SPHKAP: variants seen among roughly 807,000 people sequenced by gnomAD.
SPHKAP encodes A-kinase anchor protein SPHKAP.
SPHKAP carries 67 observed loss-of-function variants against 137.5 expected under a neutral mutation model. That is an observed-to-expected ratio of 0.49 (90% confidence interval 0.40 to 0.60). SPHKAP has a LOEUF of 0.60. SPHKAP is among the 20% of genes least tolerant of loss of function. SPHKAP has a pLI of 0.00. For synonymous variants in SPHKAP, 813 were observed against 785.3 expected, an observed-to-expected ratio of 1.04 and a Z score of -0.59; for missense variants, 2,097 against 2,069.3, an observed-to-expected ratio of 1.01 and a Z score of -0.26.
intron 2 of SPHKAP, among the ~76,000 whole-genome samples, chr2:228,112,281 G>A (rs778690307): frequency 3.1e-4 from 47 of 152,032 alleles, no homozygotes; most frequent in Non-Finnish European, 6.3e-4. Context: ...TAAAATACAG[G>A]CATCAAATGA....
intron 3 of SPHKAP, chr2:228,028,119 G>C (rs1277417865): frequency 2.2e-6 from 2 of 910,730 alleles, no homozygotes; most frequent in African/African-American, 3.6e-5. Flanking sequence ...TTGTATTAGA[G>C]CCAATAGAAC....
intron 11 of SPHKAP, among the ~76,000 whole-genome samples, chr2:227,989,520 C>G (rs1004338653): frequency 3.3e-5 from 5 of 152,128 alleles, no homozygotes; most frequent in Non-Finnish European, 5.9e-5. Context: ...CGATATCATG[C>G]CCTTATTACG....
chr2:228,164,847 C>T (rs569634771), intron 1 of SPHKAP, among the ~76,000 whole-genome samples: 188 of 152,284 alleles, frequency 1.2e-3, no homozygotes, highest in Middle Eastern at 3.4e-3. Flanking sequence ...GCTTTGCTCT[C>T]GTGCTTAAGT....
chr2:228,065,298 G>C (rs1696789580), intron 3 of SPHKAP, among the ~76,000 whole-genome samples: 1 of 152,164 alleles, frequency 6.6e-6, no homozygotes, highest in South Asian at 2.1e-4. Flanking sequence ...TAGTTTATTA[G>C]CTTGAAAGTA....
At chr2:228,174,726 G>T (rs1357068643) in intron 1 of SPHKAP, among the ~76,000 whole-genome samples, 1 of 152,134 alleles carries the variant, frequency 6.6e-6, no homozygotes, top group Non-Finnish European at 1.5e-5. Context: ...AACAGAACCA[G>T]ACCTAGGTAT....
chr2:228,006,195 T>G (rs1205846710), intron 7 of SPHKAP, among the ~76,000 whole-genome samples: 2 of 152,172 alleles, frequency 1.3e-5, no homozygotes, highest in African/African-American at 4.8e-5. Context: ...TGTAGATTTG[T>G]TCTTTTCACA....
chr2:228,118,553 T>G (rs539920677), intron 2 of SPHKAP, among the ~76,000 whole-genome samples: 9 of 152,158 alleles, frequency 5.9e-5, no homozygotes, highest in Non-Finnish European at 1.2e-4. Context: ...CTTTTACATT[T>G]ATTTTAGTAA....
chr2:228,080,741 A>G (rs1697337861), intron 3 of SPHKAP, among the ~76,000 whole-genome samples: 2 of 29,340 alleles, frequency 6.8e-5, no homozygotes, highest in African/African-American at 2.8e-4. Context: ...ATAAAATAAA[A>G]TAAAATAAAA....
In SPHKAP at chr2:228,021,799, C is replaced by T. The variant is rs1246576109; in HGVS notation, c.609G>A (p.Thr203=). The T allele has an allele frequency of 1.2e-5, 20 of 1,614,024 alleles. No individual in the cohort carries two copies. The highest frequency in any genetic ancestry group is 1.6e-4 in the Middle Eastern group (1 of 6,084). ...ETNILKLEDD[T]NCSLSSIEED... ...CCTCGATTGAAGATAAGGAACAGTT[C>T]GTGTCATCCTCCAGTTTCAAGATGT... The change falls in exon 6 of 12, where the codon ACG becomes ACA. Residue 203 remains threonine, a synonymous_variant. Transcript: ENST00000392056.
intron 3 of SPHKAP, among the ~76,000 whole-genome samples, chr2:228,075,447 G>T (rs1000252728): frequency 1.3e-5 from 2 of 151,870 alleles, no homozygotes; most frequent in Admixed American, 1.3e-4. Context: ...GCTGACCAGT[G>T]TTTGGTCCTT....
intron 1 of SPHKAP, among the ~76,000 whole-genome samples, chr2:228,149,853 C>G (rs1412695130): frequency 6.6e-6 from 1 of 151,608 alleles, no homozygotes; most frequent in African/African-American, 2.4e-5. Flanking sequence ...TTTTTATTTT[C>G]TATGTACACA....
intron 2 of SPHKAP, among the ~76,000 whole-genome samples, chr2:228,125,251 G>A (rs780113877): frequency 2.0e-5 from 3 of 152,152 alleles, no homozygotes; most frequent in Non-Finnish European, 4.4e-5. Context: ...GATTGGAAAT[G>A]CCCAGCTATT....
chr2:228,043,396 G>A (rs1695922518), intron 3 of SPHKAP, among the ~76,000 whole-genome samples: 2 of 152,074 alleles, frequency 1.3e-5, no homozygotes, highest in African/African-American at 2.4e-5. Flanking sequence ...GCACGATCTC[G>A]GCTTACTGCA....
At chr2:228,038,542 A>T (rs1695722393) in intron 3 of SPHKAP, among the ~76,000 whole-genome samples, 1 of 152,220 alleles carries the variant, frequency 6.6e-6, no homozygotes, top group African/African-American at 2.4e-5. Context: ...CTGTGCTCTT[A>T]TTGCATTCTC....
chr2:228,059,969 T>C (rs1054442421), intron 3 of SPHKAP, among the ~76,000 whole-genome samples: 1 of 152,194 alleles, frequency 6.6e-6, no homozygotes, highest in African/African-American at 2.4e-5. Context: ...CCTGACCCTG[T>C]ACTTACACAC....
At chr2:228,080,881 A>T (rs1697346187) in intron 3 of SPHKAP, among the ~76,000 whole-genome samples, 1 of 152,208 alleles carries the variant, frequency 6.6e-6, no homozygotes, top group Admixed American at 6.5e-5. Flanking sequence ...TGGAGAAATT[A>T]GAACCCTTGT....
intron 8 of SPHKAP, among the ~76,000 whole-genome samples, chr2:227,994,502 C>T (rs886959097): frequency 1.3e-5 from 2 of 152,122 alleles, no homozygotes; most frequent in Non-Finnish European, 2.9e-5. Context: ...AGTGGTGGTG[C>T]GTCGTGTAGT....
At chr2:228,137,696 C>G (rs1273882708) in intron 1 of SPHKAP, among the ~76,000 whole-genome samples, 2 of 152,056 alleles carry the variant, frequency 1.3e-5, no homozygotes, top group African/African-American at 4.8e-5. Flanking sequence ...AAAATTAAAA[C>G]TCAGAGCTAC....
intron 3 of SPHKAP, among the ~76,000 whole-genome samples, chr2:228,031,151 T>C (rs1191578711): frequency 6.6e-6 from 1 of 152,080 alleles, no homozygotes; most frequent in African/African-American, 2.4e-5. Context: ...ACCTGGAAAA[T>C]TGGGTCACTC....
Sources: gnomAD v4.1 joint callset for allele counts (sites outside exome capture counted in the v4.1 genomes callset) on GRCh38, gnomAD v4.1.1 for gene constraint, MANE v1.5 for transcripts, NCBI Gene and HGNC (gene_info 2026-07-23, HGNC 2026-07-21) for gene names.